The following OGFOD1 variants were observed in gnomAD, a reference collection of about 807,000 sequenced individuals.
OGFOD1 encodes prolyl 3-hydroxylase OGFOD1.
OGFOD1 carries 54 observed loss-of-function variants against 67.7 expected under a neutral mutation model. The ratio of observed to expected loss-of-function variants is 0.80; its 90% CI spans 0.64 to 1.00. The LOEUF (loss-of-function observed/expected upper bound fraction) is 1.00. Among genes scored for constraint, OGFOD1 ranks in the 50% least tolerant of loss-of-function variants. OGFOD1 has a pLI of 0.00. For synonymous variants in OGFOD1, 221 were observed against 227.0 expected (o/e 0.97, Z 0.24); for missense variants, 606 against 646.7 (o/e 0.94, Z 0.68).
At position 56,474,941 on chromosome 16, in the gene OGFOD1, G is replaced by C. The variant is rs1454328814; in HGVS notation, c.1399G>C (p.Gly467Arg). The part of the protein sequence containing the change: ...EFALDLILYC[G>R]CEGWEPEYGG... ...TGCCCTAGACTTAATTCTGTACTGT[G>C]GCTGTGAAGGTAAGAGGGAGGAAAG... The change falls in exon 11 of 13, where the codon GGC becomes CGC. Residue 467 changes from glycine (G) to arginine (R), a missense_variant. Transcript: ENST00000566157. 1 of 1,613,646 alleles carries C rather than the reference G, an allele frequency of 6.2e-7. No homozygotes were observed. The highest frequency in any genetic ancestry group is 2.2e-5 in the East Asian group (1 of 44,842).
rs376642718 is a variant in OGFOD1 at position 56,470,092 on chromosome 16, G to A, written c.980+10G>A. 1.1e-4 allele frequency: 183 copies of A among 1,610,938 alleles called. 1 individual carries two copies. The highest frequency in any genetic ancestry group is 1.1e-3 in the African/African-American group (83 of 74,922). On this transcript the variant is annotated intron_variant, in intron 9 of 12. Coordinates refer to ENST00000566157, the MANE Select transcript of OGFOD1 (RefSeq NM_018233.4). ...GTCCCCCTAACAAAAGGTAGAACCCGTCATCTGAGATATTTGCTTCTACAT... is the reference window on the plus strand; with the variant it reads ...GTCCCCCTAACAAAAGGTAGAACCCATCATCTGAGATATTTGCTTCTACAT...
intron 7 of OGFOD1, among the ~76,000 whole-genome samples, chr16:56,467,633 G>A (rs1171522130): frequency 3.3e-5 from 5 of 151,890 alleles, no homozygotes; most frequent in African/African-American, 1.2e-4. Context: ...CACCATGTTG[G>A]CCAGGCTGAT....
At position 56,467,301 on chromosome 16, in the gene OGFOD1, G is replaced by T. The variant is rs780134731; in HGVS notation, c.786+8G>T. 3 of 1,613,946 alleles carry T rather than the reference G, an allele frequency of 1.9e-6. No homozygotes were observed. The highest frequency in any genetic ancestry group is 2.2e-5 in the East Asian group (1 of 44,890). On this transcript the variant is annotated splice_region_variant and intron_variant, in intron 7 of 12. Transcript: ENST00000566157. ...CCTCACATCCCACAAGATGTAAGAA[G>T]AATTGCTGATATCCTTATCTTAGGA...
At chr16:56,462,101 A>G (rs1284465003) in intron 3 of OGFOD1, among the ~76,000 whole-genome samples, 1 of 151,904 alleles carries the variant, frequency 6.6e-6, no homozygotes, top group African/African-American at 2.4e-5. Flanking sequence ...TCAAAAAAAA[A>G]AAAAGAAAGA....
chr16:56,460,327 T>C (rs1214190988), intron 3 of OGFOD1, among the ~76,000 whole-genome samples: 1 of 152,214 alleles, frequency 6.6e-6, no homozygotes, highest in Admixed American at 6.5e-5. Context: ...ATGAATACAA[T>C]TAACAAATGC....
intron 3 of OGFOD1, among the ~76,000 whole-genome samples, chr16:56,461,221 G>C (rs1047046016): frequency 6.6e-6 from 1 of 152,216 alleles, no homozygotes; most frequent in Non-Finnish European, 1.5e-5. Context: ...CAAGGGAAGA[G>C]AGGCTGGAGG....
intron 9 of OGFOD1, 123 bp downstream of exon 9, chr16:56,470,205 A>C: frequency 1.2e-6 from 1 of 833,356 alleles, no homozygotes; most frequent in South Asian, 1.7e-5. Context: ...GCAGTTCATG[A>C]AAGAAAATCA....
At chr16:56,462,071 C>T (rs1307802758) in intron 3 of OGFOD1, among the ~76,000 whole-genome samples, 1 of 148,600 alleles carries the variant, frequency 6.7e-6, no homozygotes, top group African/African-American at 2.5e-5. Context: ...CCAACCTGGG[C>T]AACAGAGCAA....
chr16:56,466,007 A>C, intron 4 of OGFOD1, 145 bp from the exon 5 acceptor site: 1 of 598,322 alleles, frequency 1.7e-6, no homozygotes, highest in South Asian at 2.1e-5. Flanking sequence ...AAGAGGAGAA[A>C]TAAGTGTCAT....
At chr16:56,468,255 C>A (rs1458459677) in intron 8 of OGFOD1, among the ~76,000 whole-genome samples, 1 of 152,210 alleles carries the variant, frequency 6.6e-6, no homozygotes, top group Non-Finnish European at 1.5e-5. Flanking sequence ...CTTAAACACA[C>A]ACACACACAC....
At position 56,476,126 on chromosome 16, in the gene OGFOD1, AC is replaced by A. The variant is rs1336891222; in HGVS notation, c.1552del (p.His518ThrfsTer32). On this transcript the variant is annotated frameshift_variant, in exon 13 of 13. Coordinates refer to ENST00000566157, the MANE Select transcript of OGFOD1 (RefSeq NM_018233.4). LOFTEE classifies it high-confidence loss of function. ...ACTCTGAAATTTGTCAAGCATATTA[AC>A]CACCGAAGCCTGGAACAAAAGAAAA... ...RETLKFVKHI[N>X]HRSLEQKKTF... 1 of 1,613,856 alleles carries A rather than the reference AC, an allele frequency of 6.2e-7. No individual in the cohort carries two copies. Among genetic ancestry groups the A allele is most frequent in the African/African-American group, 1.3e-5 (1 of 74,922 alleles).
At position 56,451,772 on chromosome 16, in the gene OGFOD1, C is replaced by T; in HGVS notation, c.154+6C>T. ...CAGGACGCCGTTCAGTCACGGTAAC[C>T]GGGTGCTCTCAGGGAGGGGCCGCCA... is the stretch of plus-strand genomic sequence containing the variant. On this transcript the variant is annotated splice_donor_region_variant and intron_variant, in intron 1 of 12. Coordinates refer to ENST00000566157, the MANE Select transcript of OGFOD1 (RefSeq NM_018233.4). 2 of 1,611,956 alleles carry T rather than the reference C, an allele frequency of 1.2e-6. No individual in the cohort carries two copies. Among genetic ancestry groups the T allele is most frequent in the South Asian group, 2.2e-5 (2 of 90,986 alleles).
At chr16:56,470,435 G>T in intron 9 of OGFOD1, 52 bp from the exon 10 acceptor site, 1 of 1,488,050 alleles carries the variant, frequency 6.7e-7, no homozygotes. Context: ...TATTCTGTGA[G>T]TCATTTTACA....
At chr16:56,467,555 T>G (rs1962959360) in intron 7 of OGFOD1, among the ~76,000 whole-genome samples, 1 of 151,688 alleles carries the variant, frequency 6.6e-6, no homozygotes, top group South Asian at 2.1e-4. Context: ...ACCTCCTGAG[T>G]AGCTGGGCTT....
chr16:56,472,764 A>G (rs1032747077), intron 10 of OGFOD1, among the ~76,000 whole-genome samples: 27 of 152,168 alleles, frequency 1.8e-4, no homozygotes, highest in South Asian at 4.1e-4. Context: ...TTACACATCT[A>G]TTTTTAATGA....
chr16:56,470,836 A>G, intron 10 of OGFOD1, 45 bp downstream of exon 10: 1 of 1,481,050 alleles, frequency 6.8e-7, no homozygotes, highest in Non-Finnish European at 9.0e-7. Context: ...TTAACCATTC[A>G]CCATTCAAAC....
chr16:56,458,637 G>T (rs747595520), intron 3 of OGFOD1, 43 bp downstream of exon 3: 5 of 1,494,372 alleles, frequency 3.3e-6, no homozygotes, highest in Non-Finnish European at 4.7e-6. Flanking sequence ...TATGTGCCAG[G>T]CAGAGTAGTA....
chr16:56,467,037 C>G, intron 6 of OGFOD1, 70 bp downstream of exon 6: 3 of 1,533,030 alleles, frequency 2.0e-6, no homozygotes. Flanking sequence ...CCAAACATGA[C>G]AGCTTCCTGT....
At position 56,462,591 on chromosome 16, in the gene OGFOD1, G is replaced by A. The variant is rs1962748415; in HGVS notation, c.405G>A (p.Leu135=). 1 of 1,612,830 alleles carries A rather than the reference G, an allele frequency of 6.2e-7. No homozygotes were observed. The highest frequency in any genetic ancestry group is 1.3e-5 in the African/African-American group (1 of 75,006). Residue 135 remains leucine (L), a synonymous_variant, in exon 4 of 13, where the codon CTG becomes CTA. Transcript: ENST00000566157. ...SWLSDISKID[L]ESTIDMSCAK... ...TTTCTGATATTTCTAAAATTGACCT[G>A]GAATCAACCATTGACATGTCCTGTG...
Sources: allele counts gnomAD v4.1 joint callset (sites outside exome capture counted in the v4.1 genomes callset), GRCh38; gene constraint gnomAD v4.1.1; transcripts MANE v1.5; gene names NCBI Gene and HGNC (gene_info 2026-07-23, HGNC 2026-07-21).